RPS6KA5: variants seen among roughly 807,000 people sequenced by gnomAD.
RPS6KA5 encodes the protein ribosomal protein S6 kinase alpha-5.
RPS6KA5 carries 27 observed loss-of-function variants against 85.5 expected under a neutral mutation model. The observed-to-expected ratio is 0.32, with a 90% CI of 0.23 to 0.44. The LOEUF is 0.44. RPS6KA5 is among the 20% of genes least tolerant of loss of function. The probability of loss-of-function intolerance (pLI) is 1.00; values close to 1 mark genes in which losing one functional copy is unlikely to be tolerated. For missense variants in RPS6KA5, 811 were observed against 980.9 expected (o/e 0.83, Z 2.31); for synonymous variants, 334 against 348.2 (o/e 0.96, Z 0.46).
chr14:91,001,213 C>T (rs2040777497), intron 1 of RPS6KA5, 54 bp from the exon 2 acceptor site: 2 of 1,117,292 alleles, frequency 1.8e-6, no homozygotes, highest in African/African-American at 1.6e-5. Flanking sequence ...TAGAAGGAGG[C>T]TCCTGGGGGA....
intron 9 of RPS6KA5, 115 bp from the exon 10 acceptor site, chr14:90,900,851 T>A: frequency 1.2e-6 from 1 of 803,206 alleles, no homozygotes; most frequent in Non-Finnish European, 1.9e-6. Context: ...TTTGTTGAGA[T>A]GAGTCTAATT....
intron 1 of RPS6KA5, among the ~76,000 whole-genome samples, chr14:91,026,676 G>C (rs779712160): frequency 3.9e-5 from 6 of 152,228 alleles, no homozygotes; most frequent in Non-Finnish European, 2.9e-5. Context: ...TAATGGGATT[G>C]CTAGATCAAA....
chr14:90,907,492 C>A (rs1418268179), intron 7 of RPS6KA5, among the ~76,000 whole-genome samples: 1 of 152,144 alleles, frequency 6.6e-6, no homozygotes, highest in African/African-American at 2.4e-5. Context: ...AATGCTCAAT[C>A]AATGTGAGCT....
Position 90,890,663 on chromosome 14 carries a change from C to T in RPS6KA5, c.1660G>A (p.Asp554Asn), listed in dbSNP as rs55911249. ...DLKPENLLFTDENDNLEIKII... is the reference protein window; with the variant it reads ...DLKPENLLFTNENDNLEIKII... ...TTAATTTCCAAATTGTCATTTTCAT[C>T]GGTGAACAATAAATTCTGCAAGATA... is the stretch of plus-strand genomic sequence containing the variant. Residue 554 changes from aspartate (D) to asparagine (N), a missense_variant, in exon 14 of 17, where the codon GAT becomes AAT. Asp to Asn is a conservative substitution (Grantham distance 23). Transcript: ENST00000614987. The T allele has an allele frequency of 1.4e-3, 2,190 of 1,613,364 alleles. 5 individuals carry two copies. The Middle Eastern group carries it at 0.014, about 10-fold the overall frequency.
At chr14:90,996,409 TG>T (rs1484702656) in intron 2 of RPS6KA5, among the ~76,000 whole-genome samples, 1 of 152,132 alleles carries the variant, frequency 6.6e-6, no homozygotes, top group Non-Finnish European at 1.5e-5. Context: ...TAAAATTCAA[TG>T]GTGAAATTAA....
intron 3 of RPS6KA5, among the ~76,000 whole-genome samples, chr14:90,967,970 C>G (rs1397421098): frequency 6.6e-6 from 1 of 152,124 alleles, no homozygotes; most frequent in African/African-American, 2.4e-5. Context: ...CCCACTGTTC[C>G]CTTCATATTG....
At chr14:91,055,064 A>C (rs1201342999) in intron 1 of RPS6KA5, among the ~76,000 whole-genome samples, 1 of 152,244 alleles carries the variant, frequency 6.6e-6, no homozygotes, top group Non-Finnish European at 1.5e-5. Context: ...GTCATTAGGC[A>C]TTAGGGAAAT....
rs1400037601 is a variant in RPS6KA5 at position 90,865,886 on chromosome 14, G to A, written c.*6188C>T. On this transcript the variant is annotated 3_prime_UTR_variant, in exon 17 of 17. Coordinates refer to ENST00000614987, the MANE Select transcript of RPS6KA5 (RefSeq NM_004755.4). Reference sequence around the variant, plus strand: ...ATTTTTGTAAAGTAGCCTTCTCTATGTTGATTGCAGATGTTTCTATCTCAG... The same window carrying A: ...ATTTTTGTAAAGTAGCCTTCTCTATATTGATTGCAGATGTTTCTATCTCAG... The A allele has an allele frequency of 1.3e-5, 2 of 152,180 alleles. No individual in the cohort carries two copies. The highest frequency in any genetic ancestry group is 2.9e-5 in the Non-Finnish European group (2 of 68,034). The allele number at this position is 152,180 out of a possible 1,614,324, so 9.4% of individuals were successfully genotyped here.
chr14:91,000,166 T>G (rs895269963), intron 2 of RPS6KA5, among the ~76,000 whole-genome samples: 4 of 152,216 alleles, frequency 2.6e-5, no homozygotes, highest in Admixed American at 6.5e-5. Context: ...CATATACACA[T>G]GTAGATATTT....
rs58132087 is a variant in RPS6KA5 at position 90,998,174 on chromosome 14, A to G, written c.175+2914T>C. Among the ~76,000 whole-genome samples, 1,024 of 152,314 alleles carry G rather than the reference A, an allele frequency of 6.7e-3. 59 individuals are homozygous for G. The East Asian group carries it at 0.1, about 15-fold the overall frequency. ...GAAGAGGCAAATATATAGATAAAAA[A>G]GTCAGTTAGTGGTTGTTTAGGACTG... On this transcript the variant is annotated intron_variant, in intron 2 of 16. Coordinates refer to ENST00000614987, the MANE Select transcript of RPS6KA5 (RefSeq NM_004755.4).
intron 1 of RPS6KA5, among the ~76,000 whole-genome samples, chr14:91,014,638 T>C (rs2041405538): frequency 1.3e-5 from 2 of 152,148 alleles, no homozygotes; most frequent in Non-Finnish European, 2.9e-5. Context: ...TCCTTACTTA[T>C]TAGAAAAACT....
chr14:90,934,651 A>G (rs944897832), intron 5 of RPS6KA5, among the ~76,000 whole-genome samples: 2 of 152,176 alleles, frequency 1.3e-5, no homozygotes, highest in African/African-American at 4.8e-5. Flanking sequence ...ACTCACACTG[A>G]ATCTACCTTA....
chr14:90,968,784 G>A (rs2039191854), intron 3 of RPS6KA5, among the ~76,000 whole-genome samples: 1 of 152,166 alleles, frequency 6.6e-6, no homozygotes, highest in African/African-American at 2.4e-5. Context: ...GGTTAGTTAT[G>A]CAGAAAAAGA....
intron 5 of RPS6KA5, among the ~76,000 whole-genome samples, chr14:90,941,671 T>C (rs1470833272): frequency 6.6e-6 from 1 of 152,218 alleles, no homozygotes; most frequent in Non-Finnish European, 1.5e-5. Context: ...ATCACTTGCA[T>C]GCCTACTTCG....
At chr14:91,001,485 T>TG (rs1286292382) in intron 1 of RPS6KA5, among the ~76,000 whole-genome samples, 8 of 152,138 alleles carry the variant, frequency 5.3e-5, no homozygotes, top group Non-Finnish European at 1.2e-4. Context: ...AGATACATAG[T>TG]GGGGAAAAAA....
intron 14 of RPS6KA5, among the ~76,000 whole-genome samples, chr14:90,879,208 T>C (rs1365690989): frequency 6.6e-6 from 1 of 152,210 alleles, no homozygotes; most frequent in Non-Finnish European, 1.5e-5. Context: ...CAATGCACTA[T>C]GGAAATGGCA....
At position 90,854,688 on chromosome 14, in the gene RPS6KA5, C is replaced by T. The variant is rs1414004998; in HGVS notation, c.*17386G>A. On this transcript the variant is annotated 3_prime_UTR_variant, in exon 17 of 17. Transcript: ENST00000614987. Reference sequence around the variant, plus strand: ...CTCACTCAGTAAAAAATATACTATACTTACTACAAATACATTATCTTCTAA... The same window carrying T: ...CTCACTCAGTAAAAAATATACTATATTTACTACAAATACATTATCTTCTAA... The T allele has an allele frequency of 1.3e-5, 2 of 152,156 alleles. No individual in the cohort carries two copies. The highest frequency in any genetic ancestry group is 4.8e-5 in the African/African-American group (2 of 41,444). 9.4% of individuals were successfully genotyped at this position (152,156 alleles called of 1,614,324 possible).
At chr14:90,981,782 T>C (rs1000392312) in intron 2 of RPS6KA5, among the ~76,000 whole-genome samples, 3 of 152,268 alleles carry the variant, frequency 2.0e-5, no homozygotes, top group African/African-American at 7.2e-5. Context: ...GGATGCTTAT[T>C]ACCAACATTC....
In RPS6KA5 at chr14:90,863,940, C is replaced by T. The variant is rs2032692346; in HGVS notation, c.*8134G>A. 1 of 152,146 alleles carries T rather than the reference C, an allele frequency of 6.6e-6. No homozygotes were observed. Among genetic ancestry groups the T allele is most frequent in the Non-Finnish European group, 1.5e-5 (1 of 68,026 alleles). The allele number at this position is 152,146 out of a possible 1,614,324, so 9.4% of individuals were successfully genotyped here. On this transcript the variant is annotated 3_prime_UTR_variant, in exon 17 of 17. Transcript: ENST00000614987. ...TTAAGAATAGCCAAAACTATTAGAACTATTAGATAAAAGTTAGAGGTCTTA... is the reference window on the plus strand; with the variant it reads ...TTAAGAATAGCCAAAACTATTAGAATTATTAGATAAAAGTTAGAGGTCTTA...
Sources: allele counts gnomAD v4.1 joint callset (sites outside exome capture counted in the v4.1 genomes callset), GRCh38; gene constraint gnomAD v4.1.1; transcripts MANE v1.5; gene names NCBI Gene and HGNC (gene_info 2026-07-23, HGNC 2026-07-21).